Variants in APBB2 observed in about 807,000 individuals in gnomAD.
APBB2 encodes the protein amyloid beta precursor protein binding family B member 2.
A neutral mutation model predicts 82.5 loss-of-function variants in APBB2; 38 were observed. The observed-to-expected ratio is 0.46, with a 90% CI of 0.36 to 0.60. The LOEUF (loss-of-function observed/expected upper bound fraction) is 0.60. APBB2 is among the 20% of genes least tolerant of loss of function. The pLI is 0.00. For missense variants in APBB2, 772 were observed against 972.3 expected (o/e 0.79, Z 2.74); for synonymous variants, 341 against 368.2 (o/e 0.93, Z 0.85).
chr4:41,086,619 T>C (rs1478506875), intron 3 of APBB2, among the ~76,000 whole-genome samples: 1 of 152,156 alleles, frequency 6.6e-6, no homozygotes, highest in African/African-American at 2.4e-5. Flanking sequence ...CAGCAAACTT[T>C]CATGATAAAA....
chr4:41,083,602 C>T (rs1249746736), intron 3 of APBB2, among the ~76,000 whole-genome samples: 2 of 140,296 alleles, frequency 1.4e-5, no homozygotes, highest in East Asian at 2.2e-4. Context: ...GCAGGAGAAT[C>T]GCTTGAACCC....
chr4:41,210,704 TG>T (rs1779104667), intron 1 of APBB2, among the ~76,000 whole-genome samples: 1 of 152,364 alleles, frequency 6.6e-6, no homozygotes, highest in South Asian at 2.1e-4. Context: ...CAAATCATTC[TG>T]AAGATATGCA....
At chr4:40,846,308 C>G (rs1434938586) in intron 12 of APBB2, among the ~76,000 whole-genome samples, 1 of 141,882 alleles carries the variant, frequency 7.0e-6, no homozygotes, top group East Asian at 2.0e-4. Context: ...GGATCAAGGC[C>G]CTCGGATGAA....
At chr4:40,985,959 T>G (rs139274742) in intron 6 of APBB2, among the ~76,000 whole-genome samples, 21 of 152,302 alleles carry the variant, frequency 1.4e-4, no homozygotes, top group Non-Finnish European at 2.1e-4. Context: ...CGGTAATAGG[T>G]TGTCCCAGAG....
intron 12 of APBB2, chr4:40,881,222 G>A (rs577663296): frequency 4.1e-6 from 4 of 985,272 alleles, no homozygotes; most frequent in East Asian, 1.1e-4. Flanking sequence ...ATACTATAGT[G>A]TAGGGAGAGA....
At chr4:41,015,128 A>C (rs896489048) in intron 5 of APBB2, among the ~76,000 whole-genome samples, 1 of 152,230 alleles carries the variant, frequency 6.6e-6, no homozygotes, top group African/African-American at 2.4e-5. Context: ...GTCTGAATAT[A>C]TTCCACTGAA....
At chr4:40,872,683 T>C (rs1467797658) in intron 12 of APBB2, among the ~76,000 whole-genome samples, 1 of 151,362 alleles carries the variant, frequency 6.6e-6, no homozygotes, top group African/African-American at 2.4e-5. Context: ...ACATCTCAAG[T>C]TAGGAATGAG....
intron 3 of APBB2, among the ~76,000 whole-genome samples, chr4:41,071,560 A>C (rs1163442793): frequency 2.6e-5 from 4 of 152,194 alleles, no homozygotes; most frequent in African/African-American, 7.2e-5. Flanking sequence ...GGGCACCTGT[A>C]ATCTCTTCCA....
chr4:41,124,286 T>C (rs1753757067), intron 2 of APBB2, among the ~76,000 whole-genome samples: 2 of 152,192 alleles, frequency 1.3e-5, no homozygotes. Context: ...TGGCGTGATC[T>C]CGGCTCACTG....
intron 1 of APBB2, among the ~76,000 whole-genome samples, chr4:41,213,197 T>C (rs1300263151): frequency 6.6e-6 from 1 of 152,124 alleles, no homozygotes; most frequent in Non-Finnish European, 1.5e-5. Context: ...GATAAACCCA[T>C]GCCAACCTCA....
intron 4 of APBB2, among the ~76,000 whole-genome samples, chr4:41,053,893 A>G (rs1726940483): frequency 6.6e-6 from 1 of 152,254 alleles, no homozygotes; most frequent in Non-Finnish European, 1.5e-5. Context: ...TTCACACAAG[A>G]TAAAGGTCAT....
At chr4:40,897,827 A>T (rs1227885544) in intron 10 of APBB2, among the ~76,000 whole-genome samples, 2 of 152,124 alleles carry the variant, frequency 1.3e-5, no homozygotes, top group African/African-American at 4.8e-5. Context: ...ACTTTCCCTT[A>T]AACCCAGGAA....
In APBB2 at chr4:41,204,565, T is replaced by C. The variant is rs115984757; in HGVS notation, c.-417+9840A>G. On this transcript the variant is annotated intron_variant, in intron 1 of 17. Coordinates refer to ENST00000508593, the MANE Select transcript of APBB2 (RefSeq NM_004307.2). ...ACTCCCCACACCCAAGCAGGATAAG[T>C]GCTCGTCTGGGAAGCACTGAGTATT... 9.7e-3 allele frequency among the ~76,000 whole-genome samples: 1,485 copies of C among 152,310 alleles called. 25 individuals are homozygous for C. The highest frequency in any genetic ancestry group is 0.035 in the African/African-American group (1,436 of 41,562).
chr4:40,952,167 CAG>C (rs1790363991), intron 6 of APBB2, among the ~76,000 whole-genome samples: 1 of 130,886 alleles, frequency 7.6e-6, no homozygotes, highest in Non-Finnish European at 1.5e-5. Flanking sequence ...GCCTGGGTGA[CAG>C]AGCGAGACTC....
chr4:41,187,233 T>C (rs941724653), intron 1 of APBB2, among the ~76,000 whole-genome samples: 4 of 152,144 alleles, frequency 2.6e-5, no homozygotes, highest in African/African-American at 9.7e-5. Context: ...GTAACACCTA[T>C]CAAAATGGTG....
intron 12 of APBB2, among the ~76,000 whole-genome samples, chr4:40,855,424 C>T (rs1342697053): frequency 6.6e-6 from 1 of 152,186 alleles, no homozygotes; most frequent in Non-Finnish European, 1.5e-5. Context: ...GTGTTTCTCA[C>T]ATCTGCAAAG....
intron 1 of APBB2, among the ~76,000 whole-genome samples, chr4:41,186,618 C>T (rs545356767): frequency 6.6e-6 from 1 of 152,156 alleles, no homozygotes; most frequent in Non-Finnish European, 1.5e-5. Context: ...CAGATCTCTA[C>T]TTTATCTGGA....
chr4:41,113,937 A>T (rs1165870830), intron 2 of APBB2: 1 of 152,356 alleles, frequency 6.6e-6, no homozygotes, highest in Non-Finnish European at 1.5e-5. Context: ...AAAATACAAA[A>T]ATTAGTGCTC....
chr4:40,938,927 G>A (rs750805347), intron 7 of APBB2, among the ~76,000 whole-genome samples: 1 of 152,196 alleles, frequency 6.6e-6, no homozygotes, highest in Non-Finnish European at 1.5e-5. Context: ...GCCCTCATGA[G>A]TGGATTAATT....
Sources: allele counts gnomAD v4.1 joint callset (sites outside exome capture counted in the v4.1 genomes callset), GRCh38; gene constraint gnomAD v4.1.1; transcripts MANE v1.5; gene names NCBI Gene and HGNC (gene_info 2026-07-23, HGNC 2026-07-21).